The following SIL1 variants were observed in gnomAD, a reference collection of about 807,000 sequenced individuals.
The protein encoded by SIL1 is nucleotide exchange factor SIL1.
In SIL1, 40 loss-of-function variants were observed where a neutral mutation model predicts 49.1. That is an observed-to-expected ratio of 0.81 (90% CI 0.63 to 1.06). The LOEUF (loss-of-function observed/expected upper bound fraction) is 1.06. Among genes scored for constraint, SIL1 ranks in the 50% least tolerant of loss-of-function variants. SIL1 has a pLI of 0.00. For missense variants in SIL1, 500 were observed against 572.6 expected (o/e 0.87, Z 1.29); for synonymous variants, 253 against 250.8 (o/e 1.01, Z -0.08).
chr5:139,030,114 C>T (rs1463587695), intron 5 of SIL1, among the ~76,000 whole-genome samples: 2 of 151,108 alleles, frequency 1.3e-5, no homozygotes, highest in East Asian at 2.0e-4. Context: ...GCCAGGAGTT[C>T]GAGAACAGCC....
chr5:139,163,302 A>T (rs368038083), intron 1 of SIL1, among the ~76,000 whole-genome samples: 3 of 152,200 alleles, frequency 2.0e-5, no homozygotes, highest in East Asian at 3.8e-4. Flanking sequence ...CAGAAAAGTT[A>T]TCTAACCACA....
intron 1 of SIL1, among the ~76,000 whole-genome samples, chr5:139,144,057 C>T (rs1480148409): frequency 6.6e-6 from 1 of 152,220 alleles, no homozygotes; most frequent in Non-Finnish European, 1.5e-5. Flanking sequence ...AGATGCAACG[C>T]AATCCCTTTC....
intron 7 of SIL1, among the ~76,000 whole-genome samples, chr5:138,996,033 C>T (rs900381859): frequency 2.6e-5 from 4 of 152,136 alleles, no homozygotes; most frequent in Non-Finnish European, 4.4e-5. Flanking sequence ...ATATTGATTT[C>T]CTTTCTTTTG....
chr5:138,959,349 T>C (rs968593265), intron 7 of SIL1, among the ~76,000 whole-genome samples: 1 of 152,248 alleles, frequency 6.6e-6, no homozygotes, highest in Non-Finnish European at 1.5e-5. Context: ...CAGTATAGCA[T>C]CTCTGGTAAT....
intron 1 of SIL1, among the ~76,000 whole-genome samples, chr5:139,129,932 GA>G (rs1470776299): frequency 6.6e-6 from 1 of 152,146 alleles, no homozygotes; most frequent in Non-Finnish European, 1.5e-5. Context: ...ATCAAATAGT[GA>G]AAAGACAGAA....
chr5:139,089,230 C>T (rs1180756195), intron 3 of SIL1, among the ~76,000 whole-genome samples: 1 of 152,208 alleles, frequency 6.6e-6, no homozygotes, highest in African/African-American at 2.4e-5. Flanking sequence ...AACTGTCCAG[C>T]ACCACCCATA....
intron 4 of SIL1, among the ~76,000 whole-genome samples, chr5:139,047,983 G>A (rs564825555): frequency 2.4e-4 from 36 of 152,272 alleles, no homozygotes; most frequent in South Asian, 2.1e-3. Flanking sequence ...CTGTCTATTC[G>A]TAAAAGATAT....
At chr5:139,170,861 G>A (rs1271295915) in intron 1 of SIL1, among the ~76,000 whole-genome samples, 5 of 149,060 alleles carry the variant, frequency 3.4e-5, no homozygotes, top group African/African-American at 1.0e-4. Context: ...CGCCCCGTCC[G>A]GGAGGTGAGG....
chr5:139,119,165 C>T (rs1668523298), intron 3 of SIL1, among the ~76,000 whole-genome samples: 1 of 152,202 alleles, frequency 6.6e-6, no homozygotes, highest in Admixed American at 6.5e-5. Flanking sequence ...AAAATCAGTG[C>T]TCTACTCCAA....
intron 3 of SIL1, chr5:139,051,290 A>G: frequency 1.8e-6 from 1 of 541,160 alleles, no homozygotes; most frequent in Non-Finnish European, 3.3e-6. Flanking sequence ...TCACACTTGA[A>G]TCTAGAGACC....
intron 1 of SIL1, among the ~76,000 whole-genome samples, chr5:139,195,497 C>T (rs967240919): frequency 5.9e-5 from 9 of 152,192 alleles, no homozygotes; most frequent in African/African-American, 2.2e-4. Context: ...ACGCCATTCT[C>T]CTGCCTCAGC....
chr5:139,108,789 C>A (rs897130218), intron 3 of SIL1, among the ~76,000 whole-genome samples: 1 of 152,086 alleles, frequency 6.6e-6, no homozygotes, highest in East Asian at 1.9e-4. Context: ...TCTATTCATC[C>A]CTGCCACCTG....
chr5:139,127,911 C>T (rs1380927293), intron 1 of SIL1, 58 bp from the exon 2 acceptor site: 6 of 1,088,104 alleles, frequency 5.5e-6, no homozygotes, highest in Admixed American at 4.0e-5. Context: ...TTGGTTCCCC[C>T]GCACTGTGAT....
intron 3 of SIL1, among the ~76,000 whole-genome samples, chr5:139,104,977 G>T (rs117414453): frequency 6.6e-6 from 1 of 152,124 alleles, no homozygotes; most frequent in Non-Finnish European, 1.5e-5. Context: ...CGGAAGAAAT[G>T]AGAGGCTAGG....
chr5:139,153,590 C>A (rs778986186), intron 1 of SIL1, among the ~76,000 whole-genome samples: 2 of 152,212 alleles, frequency 1.3e-5, no homozygotes, highest in Non-Finnish European at 2.9e-5. Flanking sequence ...CTTGCCTCCA[C>A]AGACCCCTCA....
chr5:139,180,226 A>G (rs759417180), intron 1 of SIL1, among the ~76,000 whole-genome samples: 2 of 151,344 alleles, frequency 1.3e-5, no homozygotes, highest in Non-Finnish European at 2.9e-5. Flanking sequence ...TAAAAACACA[A>G]AAAAATTAGC....
intron 7 of SIL1, among the ~76,000 whole-genome samples, chr5:138,994,752 C>T (rs1025236175): frequency 1.3e-5 from 2 of 152,144 alleles, no homozygotes; most frequent in African/African-American, 2.4e-5. Flanking sequence ...AAGTTTGTTA[C>T]ATGTAAACAT....
intron 7 of SIL1, among the ~76,000 whole-genome samples, chr5:138,960,480 T>TG (rs1227555299): frequency 1.3e-5 from 2 of 148,386 alleles, no homozygotes; most frequent in African/African-American, 5.0e-5. Context: ...TGGAGTGCAG[T>TG]GGCGCAATCT....
intron 7 of SIL1, among the ~76,000 whole-genome samples, chr5:138,959,430 T>A (rs371277926): frequency 6.6e-6 from 1 of 152,312 alleles, no homozygotes; most frequent in South Asian, 2.1e-4. Context: ...CTCCTCCAAT[T>A]GCCAGAAAAA....
Sources: allele counts gnomAD v4.1 joint callset (sites outside exome capture counted in the v4.1 genomes callset), GRCh38; gene constraint gnomAD v4.1.1; transcripts MANE v1.5; gene names NCBI Gene and HGNC (gene_info 2026-07-23, HGNC 2026-07-21).